Variants in ITCH observed in about 807,000 individuals in gnomAD.
ITCH encodes the protein E3 ubiquitin-protein ligase Itchy homolog.
ITCH carries 28 observed loss-of-function variants against 126.8 expected under a neutral mutation model. The observed-to-expected ratio is 0.22, with a 90% CI of 0.16 to 0.30. The LOEUF is 0.30. Among genes scored for constraint, ITCH ranks in the 10% least tolerant of loss-of-function variants. ITCH has a pLI of 1.00. For synonymous variants in ITCH, 342 were observed against 340.0 expected, an observed-to-expected ratio of 1.01 and a Z score of -0.06; for missense variants, 631 against 1,032.4, an observed-to-expected ratio of 0.61 and a Z score of 5.33.
chr20:34,447,121 G>C (rs1036119771), intron 11 of ITCH, among the ~76,000 whole-genome samples: 12 of 151,480 alleles, frequency 7.9e-5, no homozygotes, highest in Middle Eastern at 3.2e-3. Flanking sequence ...AGCACCAACG[G>C]TGTGTTTTGA....
chr20:34,494,140 G>A (rs1989703929), intron 23 of ITCH, among the ~76,000 whole-genome samples: 1 of 152,226 alleles, frequency 6.6e-6, no homozygotes, highest in Admixed American at 6.5e-5. Context: ...GAGGCAGGGA[G>A]AATCGCTTGA....
At chr20:34,485,885 C>G (rs947518760) in intron 20 of ITCH, among the ~76,000 whole-genome samples, 23 of 152,154 alleles carry the variant, frequency 1.5e-4, no homozygotes, top group African/African-American at 5.6e-4. Context: ...GAGATGTGGT[C>G]TTGCTATTTT....
intron 11 of ITCH, among the ~76,000 whole-genome samples, chr20:34,448,692 C>T (rs1984773212): frequency 6.6e-6 from 1 of 152,040 alleles, no homozygotes; most frequent in African/African-American, 2.4e-5. Context: ...ACTGGGTGAC[C>T]ATGTAATTAT....
chr20:34,449,753 G>T (rs866236014), intron 12 of ITCH, among the ~76,000 whole-genome samples: 33 of 151,976 alleles, frequency 2.2e-4, no homozygotes, highest in African/African-American at 7.7e-4. Flanking sequence ...CAATAAAAAA[G>T]GAATGGGCTA....
intron 2 of ITCH, among the ~76,000 whole-genome samples, chr20:34,372,273 C>A: frequency 7.5e-6 from 1 of 134,104 alleles, no homozygotes. Context: ...CCACTGCACT[C>A]CAGCCTGGGC....
At chr20:34,423,973 GA>G in intron 6 of ITCH, among the ~76,000 whole-genome samples, 1 of 152,280 alleles carries the variant, frequency 6.6e-6, no homozygotes, top group Non-Finnish European at 1.5e-5. Flanking sequence ...AAAGCAAGAA[GA>G]AAATAAGAAT....
At chr20:34,399,453 G>A (rs1166722408) in intron 3 of ITCH, among the ~76,000 whole-genome samples, 1 of 152,018 alleles carries the variant, frequency 6.6e-6, no homozygotes, top group African/African-American at 2.4e-5. Flanking sequence ...TGGCAAGAAG[G>A]GATAACTGGT....
chr20:34,418,825 G>A (rs1980348607), intron 6 of ITCH, among the ~76,000 whole-genome samples: 2 of 144,784 alleles, frequency 1.4e-5, no homozygotes. Context: ...GCAATGGCGC[G>A]ATCTCGGCTT....
intron 2 of ITCH, 175 bp downstream of exon 2, chr20:34,369,645 C>T (rs2037545507): frequency 2.6e-6 from 1 of 390,030 alleles, no homozygotes; most frequent in African/African-American, 2.1e-5. Flanking sequence ...AGGGATTAGC[C>T]TGTGAGCCAC....
At chr20:34,455,691 T>C (rs944683940) in intron 12 of ITCH, among the ~76,000 whole-genome samples, 1 of 151,556 alleles carries the variant, frequency 6.6e-6, no homozygotes, top group Non-Finnish European at 1.5e-5. Context: ...TTGCCCAGGT[T>C]GGTCTTGAAC....
rs549006685 is a variant in ITCH at position 34,379,339 on chromosome 20, A to G, written c.-22+9869A>G. 1.2e-4 allele frequency among the ~76,000 whole-genome samples: 19 copies of G among 152,330 alleles called. No individual in the cohort carries two copies. The Middle Eastern group carries it at 0.014, about 109-fold the overall frequency. On this transcript the variant is annotated intron_variant, in intron 2 of 24. Transcript: ENST00000374864. ...TTTATTGTGGTAAAATACACATTAC[A>G]TACAGTTTACCATTTTAAATATTGT...
At chr20:34,372,508 G>A (rs1198913367) in intron 2 of ITCH, among the ~76,000 whole-genome samples, 1 of 148,170 alleles carries the variant, frequency 6.7e-6, no homozygotes, top group African/African-American at 2.5e-5. Flanking sequence ...AGCCTCCTGA[G>A]TAGCTGGGAT....
rs1016579870 is a variant in ITCH, at chr20:34,511,141, T to C, written c.*3347T>C. On this transcript the variant is annotated 3_prime_UTR_variant, in exon 25 of 25. Transcript: ENST00000374864. Reference sequence around the variant, plus strand: ...ATCTCCAGCCCCCCTCCTTTTTTTGTTTTTCTTTTAGTTATTTACTTTGTT... The same window carrying C: ...ATCTCCAGCCCCCCTCCTTTTTTTGCTTTTCTTTTAGTTATTTACTTTGTT... 6 of 152,224 alleles carry C rather than the reference T, an allele frequency of 3.9e-5. No homozygotes were observed. Among genetic ancestry groups the C allele is most frequent in the African/African-American group, 1.4e-4 (6 of 41,462 alleles). The allele number at this position is 152,224 out of a possible 1,614,324, so 9.4% of individuals were successfully genotyped here.
At chr20:34,426,639 TG>T (rs2146230232) in intron 7 of ITCH, among the ~76,000 whole-genome samples, 1 of 122,226 alleles carries the variant, frequency 8.2e-6, no homozygotes, top group South Asian at 2.6e-4. Flanking sequence ...TAGTAAGAGA[TG>T]GGGTTTTGCC....
chr20:34,443,700 C>T lies in ITCH; in HGVS notation c.965+1397C>T, dbSNP rs919569938. On this transcript the variant is annotated intron_variant, in intron 10 of 24. Transcript: ENST00000374864. ...GGAACTTTACGTTGTTAGTTGCTGCCGGGGCTGGGCACAGTGGCTGATGCC... is the reference window on the plus strand; with the variant it reads ...GGAACTTTACGTTGTTAGTTGCTGCTGGGGCTGGGCACAGTGGCTGATGCC... Among the ~76,000 whole-genome samples, 12 of 151,918 alleles carry T rather than the reference C, an allele frequency of 7.9e-5. No homozygotes were observed. The South Asian group carries it at 1.5e-3, about 18-fold the overall frequency.
chr20:34,381,097 A>G (rs542999511), intron 2 of ITCH, among the ~76,000 whole-genome samples: 6 of 151,724 alleles, frequency 4.0e-5, no homozygotes, highest in East Asian at 2.0e-4. Flanking sequence ...TGAAATTTCA[A>G]CTCTTTAGAA....
chr20:34,393,380 C>T (rs1413661999), intron 2 of ITCH, among the ~76,000 whole-genome samples: 1 of 152,004 alleles, frequency 6.6e-6, no homozygotes, highest in Non-Finnish European at 1.5e-5. Context: ...CATGGTGGCA[C>T]CCACTTATAG....
intron 2 of ITCH, among the ~76,000 whole-genome samples, chr20:34,383,234 G>A (rs1380379284): frequency 6.6e-6 from 1 of 151,890 alleles, no homozygotes; most frequent in African/African-American, 2.4e-5. Context: ...TGTAGAGATA[G>A]TGTCTTGCTA....
At chr20:34,418,830 C>T (rs1193315749) in intron 6 of ITCH, among the ~76,000 whole-genome samples, 2 of 140,604 alleles carry the variant, frequency 1.4e-5, no homozygotes, top group East Asian at 2.1e-4. Context: ...GGCGCGATCT[C>T]GGCTTACCGC....
Sources: gnomAD v4.1 joint callset for allele counts (sites outside exome capture counted in the v4.1 genomes callset) on GRCh38, gnomAD v4.1.1 for gene constraint, MANE v1.5 for transcripts, NCBI Gene and HGNC (gene_info 2026-07-23, HGNC 2026-07-21) for gene names.